The following MEI4 variants were observed in gnomAD, a reference collection of about 807,000 sequenced individuals.
MEI4 encodes meiotic double-stranded break formation protein 4.
In MEI4, 27 loss-of-function variants were observed where a neutral mutation model predicts 31.4. That is an observed-to-expected ratio of 0.86 (90% confidence interval 0.63 to 1.19). The LOEUF (loss-of-function observed/expected upper bound fraction) is 1.19. MEI4 is among the 50% of genes most tolerant of loss of function. MEI4 has a pLI of 0.00. For missense variants in MEI4, 329 were observed against 398.9 expected (o/e 0.82, Z 1.49); for synonymous variants, 122 against 145.4 (o/e 0.84, Z 1.16).
chr6:77,891,177 T>A (rs1771758738), intron 4 of MEI4, among the ~76,000 whole-genome samples: 1 of 152,226 alleles, frequency 6.6e-6, no homozygotes, highest in South Asian at 2.1e-4. Flanking sequence ...TGGATGTCTG[T>A]GTCTCTTGCA....
At chr6:77,896,451 A>G (rs1220606702) in intron 4 of MEI4, among the ~76,000 whole-genome samples, 3 of 152,106 alleles carry the variant, frequency 2.0e-5, no homozygotes, top group Non-Finnish European at 1.5e-5. Flanking sequence ...TTCCTCTAGA[A>G]TAGACTTGAA....
chr6:77,853,436 T>G (rs966698142), intron 4 of MEI4, among the ~76,000 whole-genome samples: 8 of 152,348 alleles, frequency 5.3e-5, no homozygotes, highest in African/African-American at 1.9e-4. Context: ...AGTGCTATGC[T>G]ATCTCTGCAA....
chr6:77,699,674 G>C (rs1032822845), intron 2 of MEI4, among the ~76,000 whole-genome samples: 1 of 152,084 alleles, frequency 6.6e-6, no homozygotes, highest in Non-Finnish European at 1.5e-5. Flanking sequence ...GGAGTTTCCA[G>C]GTTTTCTGCT....
intron 3 of MEI4, among the ~76,000 whole-genome samples, chr6:77,798,140 T>C (rs1324274610): frequency 6.6e-6 from 1 of 151,932 alleles, no homozygotes; most frequent in African/African-American, 2.4e-5. Flanking sequence ...CATATAATAA[T>C]GCAACCATTA....
At chr6:77,865,327 G>T (rs915818120) in intron 4 of MEI4, among the ~76,000 whole-genome samples, 2 of 152,030 alleles carry the variant, frequency 1.3e-5, no homozygotes, top group African/African-American at 2.4e-5. Flanking sequence ...TTGATAGACT[G>T]CTAGCAAGAC....
chr6:77,655,782 CAG>C (rs1399440746), intron 1 of MEI4, among the ~76,000 whole-genome samples: 4 of 152,208 alleles, frequency 2.6e-5, no homozygotes, highest in East Asian at 3.9e-4. Context: ...TCAGTAGACT[CAG>C]AGATTTTTAG....
At chr6:77,801,144 C>G (rs954176756) in intron 3 of MEI4, among the ~76,000 whole-genome samples, 4 of 152,148 alleles carry the variant, frequency 2.6e-5, no homozygotes, top group Non-Finnish European at 5.9e-5. Flanking sequence ...GGTTGGTAAG[C>G]TATTAATTAT....
chr6:77,911,882 T>C (rs1458722573), intron 4 of MEI4, among the ~76,000 whole-genome samples: 1 of 151,878 alleles, frequency 6.6e-6, no homozygotes, highest in Non-Finnish European at 1.5e-5. Flanking sequence ...GTTTTTGAGG[T>C]CTTTGCCTTA....
chr6:77,816,833 A>T (rs1289343075), intron 3 of MEI4, among the ~76,000 whole-genome samples: 1 of 152,198 alleles, frequency 6.6e-6, no homozygotes, highest in Non-Finnish European at 1.5e-5. Context: ...AAAGAACATA[A>T]TTCAGCTTTG....
chr6:77,677,584 C>G (rs1430252500), intron 1 of MEI4, among the ~76,000 whole-genome samples: 1 of 152,146 alleles, frequency 6.6e-6, no homozygotes, highest in Non-Finnish European at 1.5e-5. Context: ...CCTTTCATTT[C>G]TCAGACAGAA....
At chr6:77,770,165 C>G (rs1409580645) in intron 3 of MEI4, among the ~76,000 whole-genome samples, 1 of 151,910 alleles carries the variant, frequency 6.6e-6, no homozygotes, top group African/African-American at 2.4e-5. Context: ...CTCAGAAATT[C>G]AAAGTATCAT....
intron 4 of MEI4, among the ~76,000 whole-genome samples, chr6:77,916,858 C>T (rs1011354602): frequency 2.0e-5 from 3 of 151,444 alleles, no homozygotes; most frequent in Non-Finnish European, 4.4e-5. Context: ...CATGCTGGTG[C>T]ACTGCACCCA....
At chr6:77,909,909 C>T (rs1766392092) in intron 4 of MEI4, among the ~76,000 whole-genome samples, 1 of 152,048 alleles carries the variant, frequency 6.6e-6, no homozygotes, top group Non-Finnish European at 1.5e-5. Flanking sequence ...TCAACATATG[C>T]AAATCAATAA....
chr6:77,677,199 T>C (rs1176206959), intron 1 of MEI4, among the ~76,000 whole-genome samples: 2 of 152,234 alleles, frequency 1.3e-5, no homozygotes, highest in African/African-American at 4.8e-5. Flanking sequence ...CAACCTTTCC[T>C]ACTGCAAAAG....
At chr6:77,881,595 AG>A (rs1433124653) in intron 4 of MEI4, among the ~76,000 whole-genome samples, 1 of 152,196 alleles carries the variant, frequency 6.6e-6, no homozygotes, top group Non-Finnish European at 1.5e-5. Flanking sequence ...TGGAAAACAC[AG>A]GGGTAGATCT....
chr6:77,761,464 A>G lies in MEI4; in HGVS notation c.567A>G (p.Gln189=), dbSNP rs1582114222. ...CCACAGTCTCTGATTCTGTTTTTCA[A>G]TTGCTGGATGGCCTGATCACTTTTT... ...DSSTVSDSVF[Q]LLDGLITFYR... Residue 189 remains glutamine (Q), a synonymous_variant, in exon 3 of 5, where the codon CAA becomes CAG. Coordinates refer to ENST00000684080, the MANE Select transcript of MEI4 (RefSeq NM_001322247.2). 9 of 1,232,138 alleles carry G rather than the reference A, an allele frequency of 7.3e-6. No individual in the cohort carries two copies. Among genetic ancestry groups the G allele is most frequent in the South Asian group, 4.1e-5 (1 of 24,318 alleles). The allele number at this position is 1,232,138 out of a possible 1,614,324, so 76.3% of individuals were successfully genotyped here.
intron 1 of MEI4, among the ~76,000 whole-genome samples, chr6:77,664,535 C>T (rs1036097534): frequency 5.3e-5 from 8 of 151,728 alleles, no homozygotes; most frequent in South Asian, 2.1e-4. Flanking sequence ...GGAGGGGAGG[C>T]GATAAAAAGA....
chr6:77,797,941 T>A (rs922536065), intron 3 of MEI4, among the ~76,000 whole-genome samples: 3 of 152,134 alleles, frequency 2.0e-5, no homozygotes, highest in Non-Finnish European at 4.4e-5. Context: ...GTATTAACCA[T>A]CACACTTAGT....
rs1263653162 is a variant in MEI4, at chr6:77,791,689, AAAAG to A, written c.768+30028_768+30031del. Among the ~76,000 whole-genome samples, 8 of 150,358 alleles carry A rather than the reference AAAAG, an allele frequency of 5.3e-5. No individual in the cohort carries two copies. The East Asian group carries it at 8.5e-4, about 16-fold the overall frequency. ...TAAAACTTAAAGTATAAAAAAAAAA[AAAAG>A]AAATATCTGTACATTGTGGAGTGGC... On this transcript the variant is annotated intron_variant, in intron 3 of 4. Transcript: ENST00000684080.
Sources: allele counts gnomAD v4.1 joint callset (sites outside exome capture counted in the v4.1 genomes callset), GRCh38; gene constraint gnomAD v4.1.1; transcripts MANE v1.5; gene names NCBI Gene and HGNC (gene_info 2026-07-23, HGNC 2026-07-21).